The following COLEC12 variants were observed in gnomAD, a reference collection of about 807,000 sequenced individuals.
The protein encoded by COLEC12 is collectin-12.
COLEC12 carries 33 observed loss-of-function variants against 71.1 expected under a neutral mutation model. The observed-to-expected ratio is 0.46, with a 90% CI of 0.35 to 0.62. COLEC12 has a LOEUF of 0.62. Among genes scored for constraint, COLEC12 ranks in the 20% least tolerant of loss-of-function variants. COLEC12 has a pLI of 0.00. For missense variants in COLEC12, 765 were observed against 916.1 expected (o/e 0.84, Z 2.13); for synonymous variants, 350 against 353.0 (o/e 0.99, Z 0.10).
At chr18:481,686 A>C (rs1917419586) in intron 1 of COLEC12, among the ~76,000 whole-genome samples, 1 of 152,124 alleles carries the variant, frequency 6.6e-6, no homozygotes, top group Non-Finnish European at 1.5e-5. Flanking sequence ...CCTGGGCAAC[A>C]AGAATGAAAC....
intron 2 of COLEC12, among the ~76,000 whole-genome samples, chr18:426,016 T>C (rs2621203): frequency 0.6 from 91,144 of 152,030 alleles, 27,787 homozygotes; most frequent in South Asian, 0.68. Flanking sequence ...CTTAAATATA[T>C]TGACTTACAG....
intron 1 of COLEC12, among the ~76,000 whole-genome samples, chr18:499,324 C>G (rs1459062318): frequency 6.6e-6 from 1 of 152,212 alleles, no homozygotes; most frequent in African/African-American, 2.4e-5. Context: ...CCCGAGGTCT[C>G]CCGACGTGGA....
chr18:424,266 T>C (rs1227574645), intron 2 of COLEC12: 2 of 152,252 alleles, frequency 1.3e-5, no homozygotes, highest in Non-Finnish European at 2.9e-5. Flanking sequence ...AAGATCGTAG[T>C]GGGACTTACG....
chr18:418,561 G>T (rs1244112005), intron 2 of COLEC12, among the ~76,000 whole-genome samples: 1 of 152,190 alleles, frequency 6.6e-6, no homozygotes, highest in Non-Finnish European at 1.5e-5. Context: ...AAGATAGGAG[G>T]TCAGCACAAA....
chr18:362,138 T>C lies in COLEC12; in HGVS notation c.59-4616A>G, dbSNP rs535044240. Among the ~76,000 whole-genome samples, 2 of 152,326 alleles carry C rather than the reference T, an allele frequency of 1.3e-5. No individual in the cohort carries two copies. Among genetic ancestry groups the C allele is most frequent in the African/African-American group, 2.4e-5 (1 of 41,572 alleles). On this transcript the variant is annotated intron_variant, in intron 2 of 9. Coordinates refer to ENST00000400256, the MANE Select transcript of COLEC12 (RefSeq NM_130386.3). The surrounding 1 kb of genome is among the most constrained non-coding windows in gnomAD (Gnocchi z 4.6). ...GAGCTAGCCCTGTGGCCGCCAGGCA[T>C]CTGGTGCATGTGGTATTCGTGCAGA...
rs1917401537 is a variant in COLEC12, at chr18:480,848, C to T, written c.8-91G>A. 9.2e-7 allele frequency: 1 copy of T among 1,081,204 alleles called. No individual in the cohort carries two copies. The highest frequency in any genetic ancestry group is 1.4e-6 in the Non-Finnish European group (1 of 694,488). 67.0% of individuals were successfully genotyped at this position (1,081,204 alleles called of 1,614,324 possible). A position where few individuals can be genotyped will look rare whatever the true frequency, so the allele number is the denominator to read the frequency against. ...GATGCGACCTGCTTCATCGCCCCTG[C>T]TTGTCACAGCAGCTTTCCTTCTGCT... On this transcript the variant is annotated intron_variant, in intron 1 of 9. Transcript: ENST00000400256. This position sits in a 1 kb window ranked among gnomAD's most constrained non-coding sequence, Gnocchi z 4.1.
chr18:360,540 G>C (rs978483019), intron 2 of COLEC12, among the ~76,000 whole-genome samples: 2 of 152,294 alleles, frequency 1.3e-5, no homozygotes, highest in African/African-American at 4.8e-5. Flanking sequence ...TGCTGATGCT[G>C]ATGCTGATGC....
chr18:485,620 G>C (rs976193695), intron 1 of COLEC12, among the ~76,000 whole-genome samples: 2 of 152,124 alleles, frequency 1.3e-5, no homozygotes, highest in Non-Finnish European at 2.9e-5. Context: ...AGCCACATTG[G>C]GGCCAGAGAT....
intron 1 of COLEC12, among the ~76,000 whole-genome samples, chr18:492,669 C>T (rs1466179317): frequency 6.6e-6 from 1 of 151,798 alleles, no homozygotes; most frequent in African/African-American, 2.4e-5. Flanking sequence ...GCAAGAAAAA[C>T]TAATGCTGTC....
At chr18:475,201 G>A (rs1203197623) in intron 2 of COLEC12, among the ~76,000 whole-genome samples, 3 of 152,168 alleles carry the variant, frequency 2.0e-5, no homozygotes, top group Admixed American at 1.3e-4. Flanking sequence ...CCCACCAGGA[G>A]CACCGAGTTC....
chr18:355,513 G>GA (rs1211644681), intron 3 of COLEC12, among the ~76,000 whole-genome samples: 1 of 151,966 alleles, frequency 6.6e-6, no homozygotes, highest in Non-Finnish European at 1.5e-5. Context: ...AAAGAAAGGA[G>GA]AAAAAAAGCC....
chr18:464,565 C>G lies in COLEC12; in HGVS notation c.58+16142G>C, dbSNP rs183775267. On this transcript the variant is annotated intron_variant, in intron 2 of 9. Coordinates refer to ENST00000400256, the MANE Select transcript of COLEC12 (RefSeq NM_130386.3). Reference sequence around the variant, plus strand: ...CTTTCTCTGAATCACTGGTTCCCCCCACTTTCTGCAGAATTAATAACTTCA... The same window carrying G: ...CTTTCTCTGAATCACTGGTTCCCCCGACTTTCTGCAGAATTAATAACTTCA... Among the ~76,000 whole-genome samples, 8 of 152,346 alleles carry G rather than the reference C, an allele frequency of 5.3e-5. No individual in the cohort carries two copies. In the South Asian group the frequency reaches 1.0e-3, roughly 20 times the overall value.
chr18:467,265 G>A (rs72853159), intron 2 of COLEC12, among the ~76,000 whole-genome samples: 2,218 of 152,218 alleles, frequency 0.015, 53 homozygotes, highest in Non-Finnish European at 0.015. Context: ...TCACTTACAA[G>A]CTTGTTAAAT....
intron 2 of COLEC12, among the ~76,000 whole-genome samples, chr18:446,897 A>G (rs1239052839): frequency 6.6e-6 from 1 of 152,256 alleles, no homozygotes; most frequent in Non-Finnish European, 1.5e-5. Context: ...GCACATAAAT[A>G]CATCAACAGG....
intron 2 of COLEC12, among the ~76,000 whole-genome samples, chr18:385,890 C>G (rs1598347022): frequency 7.6e-6 from 1 of 131,186 alleles, no homozygotes; most frequent in Non-Finnish European, 1.7e-5. Context: ...GAGGAAGAAA[C>G]TTTATATGTC....
At chr18:359,987 C>T (rs1914708948) in intron 2 of COLEC12, among the ~76,000 whole-genome samples, 1 of 152,172 alleles carries the variant, frequency 6.6e-6, no homozygotes, top group Admixed American at 6.5e-5. Flanking sequence ...TTTCAGGGCT[C>T]AACCAATCCC....
At chr18:382,273 T>G (rs188830679) in intron 2 of COLEC12, among the ~76,000 whole-genome samples, 76 of 152,324 alleles carry the variant, frequency 5.0e-4, no homozygotes, top group African/African-American at 1.8e-3. Context: ...AGTCCCTGTA[T>G]AAATCAGATA....
chr18:404,423 G>A (rs1915745815), intron 2 of COLEC12, among the ~76,000 whole-genome samples: 2 of 152,214 alleles, frequency 1.3e-5, no homozygotes, highest in South Asian at 4.1e-4. Flanking sequence ...AGCTTATGAT[G>A]TTGTAAGCCG....
intron 2 of COLEC12, among the ~76,000 whole-genome samples, chr18:398,080 G>T (rs1329754746): frequency 3.3e-5 from 5 of 151,726 alleles, no homozygotes; most frequent in Non-Finnish European, 7.4e-5. Context: ...CAAAAAAACA[G>T]CAAAAAGCAG....
Sources: gnomAD v4.1 joint callset for allele counts (sites outside exome capture counted in the v4.1 genomes callset) on GRCh38, gnomAD v4.1.1 for gene constraint, Gnocchi (gnomAD v3.1) non-coding constraint, MANE v1.5 for transcripts, NCBI Gene and HGNC (gene_info 2026-07-23, HGNC 2026-07-21) for gene names.